The following CERS1 variants were observed in gnomAD, a reference collection of about 807,000 sequenced individuals.
CERS1 encodes the protein ceramide synthase 1.
In CERS1, 16 loss-of-function variants were observed where a neutral mutation model predicts 35.7. That is an observed-to-expected ratio of 0.45 (90% CI 0.30 to 0.68). CERS1 has a LOEUF of 0.68. CERS1 is among the 30% of genes least tolerant of loss of function. The pLI, the probability that CERS1 is intolerant of heterozygous loss-of-function variation, is 0.08. For synonymous variants in CERS1, 243 were observed against 201.6 expected (o/e 1.21, Z -1.74); for missense variants, 454 against 453.9 (o/e 1.00, Z 0.00).
chr19:18,868,560 C>T lies in CERS1; in HGVS notation c.*1425G>A, dbSNP rs1213580423. On this transcript the variant is annotated 3_prime_UTR_variant, in exon 8 of 8. Transcript: ENST00000623882. The stretch of plus-strand genomic sequence containing the variant: ...GAGACCAGCGGAGCAGACCACGCGG[C>T]ATTTATTGTTGGGCCCGCGTCCCTG... 2.0e-6 allele frequency: 3 copies of T among 1,472,828 alleles called. No homozygotes were observed. The highest frequency in any genetic ancestry group is 5.0e-5 in the East Asian group (2 of 40,194). 91.2% of individuals were successfully genotyped at this position (1,472,828 alleles called of 1,614,324 possible).
Position 18,878,835 on chromosome 19 carries a change from C to T in CERS1, c.1010+95G>A. The stretch of plus-strand genomic sequence containing the variant: ...TGGGGGGCAGCATCCGCGTCGGCCT[C>T]ATCTGCTGCTGGGTCTTGGGGGCCT... On this transcript the variant is annotated intron_variant, in intron 6 of 7. Transcript: ENST00000623882. This position sits in a 1 kb window ranked among gnomAD's most constrained non-coding sequence, Gnocchi z 4.6. The T allele has an allele frequency of 2.6e-6, 4 of 1,537,738 alleles. No homozygotes were observed. Among genetic ancestry groups the T allele is most frequent in the Non-Finnish European group, 3.5e-6 (4 of 1,142,954 alleles).
At chr19:18,872,473 CA>C (rs1325016752) in intron 6 of CERS1, among the ~76,000 whole-genome samples, 27 of 151,604 alleles carry the variant, frequency 1.8e-4, no homozygotes, top group African/African-American at 6.3e-4. Flanking sequence ...TCAGCCTCCC[CA>C]GTAGCTGGGA....
intron 1 of CERS1, among the ~76,000 whole-genome samples, chr19:18,894,581 G>C (rs929849415): frequency 8.5e-5 from 13 of 152,104 alleles, no homozygotes; most frequent in Admixed American, 7.2e-4. Flanking sequence ...CCGCAGGGGT[G>C]GGGGACGGCT....
intron 6 of CERS1, among the ~76,000 whole-genome samples, chr19:18,873,687 CAACT>C: frequency 6.6e-6 from 1 of 151,826 alleles, no homozygotes; most frequent in East Asian, 1.9e-4. Flanking sequence ...AAAAAAAATA[CAACT>C]ATTAGCCAGG....
Position 18,896,123 on chromosome 19 carries a change from G to A in CERS1, c.-51C>T, listed in dbSNP as rs2056622572. On this transcript the variant is annotated 5_prime_UTR_variant, in exon 1 of 8. Coordinates refer to ENST00000623882, the MANE Select transcript of CERS1 (RefSeq NM_021267.5). This position sits in a 1 kb window ranked among gnomAD's most constrained non-coding sequence, Gnocchi z 5.9. ...TCGCCTGCGCCCGCCCGCGGTAGCCGACGGAGCCGCGCGCCCCGCGTCACG... is the reference window on the plus strand; with the variant it reads ...TCGCCTGCGCCCGCCCGCGGTAGCCAACGGAGCCGCGCGCCCCGCGTCACG... The A allele has an allele frequency of 8.1e-6, 6 of 737,066 alleles. No individual in the cohort carries two copies. Among genetic ancestry groups the A allele is most frequent in the Non-Finnish European group, 9.9e-6 (6 of 606,406 alleles). 45.7% of individuals were successfully genotyped at this position (737,066 alleles called of 1,614,324 possible).
chr19:18,871,038 G>C (rs983047128), intron 6 of CERS1, among the ~76,000 whole-genome samples: 6 of 151,420 alleles, frequency 4.0e-5, no homozygotes, highest in African/African-American at 1.2e-4. Context: ...GACTCCAGTG[G>C]CCCTGGCTGG....
At position 18,868,910 on chromosome 19, in the gene CERS1, G is replaced by A; in HGVS notation, c.*1075C>T. The stretch of plus-strand genomic sequence containing the variant: ...GCGGAAGCTCACGTACAGCCGCCGC[G>A]CGCGACAAGCGCCCCCGGGGCCGCC... On this transcript the variant is annotated 3_prime_UTR_variant, in exon 8 of 8. Transcript: ENST00000623882. 5 of 1,372,658 alleles carry A rather than the reference G, an allele frequency of 3.6e-6. No homozygotes were observed. The highest frequency in any genetic ancestry group is 4.7e-6 in the Non-Finnish European group (5 of 1,053,844). 85.0% of individuals were successfully genotyped at this position (1,372,658 alleles called of 1,614,324 possible).
Position 18,870,688 on chromosome 19 carries a change from C to T in CERS1, c.1011-69G>A, listed in dbSNP as rs1184695358. 6 of 505,324 alleles carry T rather than the reference C, an allele frequency of 1.2e-5. No individual in the cohort carries two copies. Among genetic ancestry groups the T allele is most frequent in the Non-Finnish European group, 1.8e-5 (5 of 279,002 alleles). 31.3% of individuals were successfully genotyped at this position (505,324 alleles called of 1,614,324 possible). On this transcript the variant is annotated intron_variant, in intron 6 of 7. Transcript: ENST00000623882. This position sits in a 1 kb window ranked among gnomAD's most constrained non-coding sequence, Gnocchi z 5.1. ...GGCCGCCTGGCCCTCTTTCCCGCTT[C>T]TTCTCTGGCCGTTTCACACCCCCTG...
chr19:18,879,429 C>T (rs746041268), intron 4 of CERS1, 41 bp from the exon 5 acceptor site: 57 of 1,545,992 alleles, frequency 3.7e-5, no homozygotes, highest in Non-Finnish European at 4.3e-5. Context: ...TGGAGGGGGA[C>T]GGTGCCCTAC....
Position 18,878,931 on chromosome 19 carries a change from C to G in CERS1, c.1009G>C (p.Glu337Gln), listed in dbSNP as rs761766419. ...GGGTGCGGGCCCCTCCACACTCACT[C>G]GGCTTTGCTGGGCTTCAGGCTCTGG... is the stretch of plus-strand genomic sequence containing the variant. ...EAQSLKPSKAEKPLRNGLVKD... is the reference protein window; with the variant it reads ...EAQSLKPSKAQKPLRNGLVKD... The change falls in exon 6 of 8, where the codon GAG becomes CAG. Residue 337 changes from glutamate to glutamine, a missense_variant and splice_region_variant. Glu to Gln is a conservative substitution (Grantham distance 29). Transcript: ENST00000623882. The surrounding 1 kb of genome is among the most constrained non-coding windows in gnomAD (Gnocchi z 4.6). 2.5e-6 allele frequency: 4 copies of G among 1,613,442 alleles called. No homozygotes were observed. The highest frequency in any genetic ancestry group is 3.4e-6 in the Non-Finnish European group (4 of 1,179,816).
chr19:18,877,335 TGA>T (rs1368394575), intron 6 of CERS1, among the ~76,000 whole-genome samples: 1 of 152,212 alleles, frequency 6.6e-6, no homozygotes, highest in Non-Finnish European at 1.5e-5. Flanking sequence ...GTCCCCACCA[TGA>T]GCTCACTGTT....
At chr19:18,893,339 T>C (rs2056542058) in intron 2 of CERS1, 77 bp downstream of exon 2, 1 of 1,468,676 alleles carries the variant, frequency 6.8e-7, no homozygotes, top group African/African-American at 1.4e-5. Flanking sequence ...TTCTGCCTCA[T>C]GAGTAGCTGG....
intron 1 of CERS1, among the ~76,000 whole-genome samples, chr19:18,893,858 G>A (rs2056558926): frequency 6.6e-6 from 1 of 151,936 alleles, no homozygotes; most frequent in South Asian, 2.1e-4. Context: ...GGACACTTGG[G>A]CTTACGATGA....
rs575712132 is a variant in CERS1, at chr19:18,884,158, G to T, written c.519C>A (p.Arg173=). 1.1e-4 allele frequency: 175 copies of T among 1,613,790 alleles called. No homozygotes were observed. The highest frequency in any genetic ancestry group is 1.6e-4 in the Middle Eastern group (1 of 6,062). ...GGAGCAGCATGACCACCGAGTCCTT[G>T]CGCCAGGTGTCCATGTATAGCGTAG... ...IYATLYMDTW[R]KDSVVMLLHH... is the part of the protein sequence containing the mutation. Residue 173 remains arginine (R), a synonymous_variant, in exon 3 of 8, where the codon CGC becomes CGA. Coordinates refer to ENST00000623882, the MANE Select transcript of CERS1 (RefSeq NM_021267.5).
chr19:18,871,866 G>T (rs969556581), intron 6 of CERS1, among the ~76,000 whole-genome samples: 6 of 152,152 alleles, frequency 3.9e-5, no homozygotes, highest in Admixed American at 3.3e-4. Flanking sequence ...GTGGCTTCTC[G>T]ATTCTTCCCA....
Position 18,868,706 on chromosome 19 carries a change from C to T in CERS1, c.*1279G>A, listed in dbSNP as rs1337263079. 2 of 1,552,492 alleles carry T rather than the reference C, an allele frequency of 1.3e-6. No individual in the cohort carries two copies. The highest frequency in any genetic ancestry group is 1.7e-6 in the Non-Finnish European group (2 of 1,147,724). ...GATGGGCGACAGGCGCGCGGGCACG[C>T]AGCAGGGCAGGTCGGCGGCTCCCGG... On this transcript the variant is annotated 3_prime_UTR_variant, in exon 8 of 8. Transcript: ENST00000623882.
intron 1 of CERS1, among the ~76,000 whole-genome samples, chr19:18,893,795 G>C (rs1031397537): frequency 2.6e-5 from 4 of 152,156 alleles, no homozygotes; most frequent in African/African-American, 7.2e-5. Flanking sequence ...GCTGGGAGGG[G>C]AGTGAGGGGG....
chr19:18,872,570 C>T (rs905483713), intron 6 of CERS1, among the ~76,000 whole-genome samples: 3 of 151,376 alleles, frequency 2.0e-5, no homozygotes, highest in African/African-American at 7.3e-5. Context: ...GGCGGGAATG[C>T]GGTGGCACGA....
In CERS1 at chr19:18,884,240, C is replaced by T. The variant is rs201005099; in HGVS notation, c.437G>A (p.Arg146Gln). The stretch of plus-strand genomic sequence containing the variant: ...GAGCAGGTAGGCGGCTGCAATGTCC[C>T]GTGGCACTGCCATGCCCGGCGTCCA... ...YDWTPGMAVP[R>Q]DIAAAYLLQG... Residue 146 changes from arginine (R) to glutamine (Q), a missense_variant, in exon 3 of 8, where the codon CGG becomes CAG. Transcript: ENST00000623882. 193 of 1,613,148 alleles carry T rather than the reference C, an allele frequency of 1.2e-4. 2 individuals carry two copies. In the Middle Eastern group the frequency reaches 2.1e-3, roughly 18 times the overall value.
Sources: allele counts gnomAD v4.1 joint callset (sites outside exome capture counted in the v4.1 genomes callset), GRCh38; gene constraint gnomAD v4.1.1; non-coding constraint Gnocchi (gnomAD v3.1); transcripts MANE v1.5; gene names NCBI Gene and HGNC (gene_info 2026-07-23, HGNC 2026-07-21).